The following MGAT4C variants were observed in gnomAD, a reference collection of about 807,000 sequenced individuals.
The protein encoded by MGAT4C is alpha-1,3-mannosyl-glycoprotein 4-beta-N-acetylglucosaminyltransferase C.
MGAT4C carries 19 observed loss-of-function variants against 40.1 expected under a neutral mutation model. That is an observed-to-expected ratio of 0.47 (90% CI 0.33 to 0.70). MGAT4C has a LOEUF of 0.70. Among genes scored for constraint, MGAT4C ranks in the 30% least tolerant of loss-of-function variants. The probability of loss-of-function intolerance (pLI) is 0.02; values close to 1 mark genes in which losing one functional copy is unlikely to be tolerated. For missense variants in MGAT4C, 491 were observed against 563.2 expected (o/e 0.87, Z 1.30); for synonymous variants, 181 against 187.1 (o/e 0.97, Z 0.27).
At chr12:86,419,476 T>C (rs1956781656) in intron 3 of MGAT4C, among the ~76,000 whole-genome samples, 3 of 151,760 alleles carry the variant, frequency 2.0e-5, no homozygotes. Flanking sequence ...ATTATACAAA[T>C]TAACATTACC....
intron 4 of MGAT4C, among the ~76,000 whole-genome samples, chr12:86,313,615 T>G (rs1954130803): frequency 6.6e-6 from 1 of 152,170 alleles, no homozygotes; most frequent in Non-Finnish European, 1.5e-5. Flanking sequence ...TTAATTACTC[T>G]CTCACGAACT....
At chr12:86,541,762 T>C (rs1959168725) in intron 2 of MGAT4C, among the ~76,000 whole-genome samples, 1 of 152,190 alleles carries the variant, frequency 6.6e-6, no homozygotes. Context: ...GTTTCAACCA[T>C]GGATGTCAAC....
chr12:86,294,514 C>T (rs908742633), intron 4 of MGAT4C, among the ~76,000 whole-genome samples: 7 of 152,106 alleles, frequency 4.6e-5, no homozygotes, highest in African/African-American at 1.7e-4. Context: ...CTTGACTGTT[C>T]CGAAAATCAA....
intron 1 of MGAT4C, among the ~76,000 whole-genome samples, chr12:86,062,214 T>G (rs114019896): frequency 6.6e-6 from 1 of 152,158 alleles, no homozygotes; most frequent in Non-Finnish European, 1.5e-5. Context: ...CAGCCACCGC[T>G]GGTGATACCC....
At position 85,972,868 on chromosome 12, in the gene MGAT4C, G is replaced by C. The variant is rs1883693994; in HGVS notation, c.*6421C>G. ...AATACATACATATGTTTAAAAGTAG[G>C]GAAAATTTTATCAATTATTAAAGAT... On this transcript the variant is annotated 3_prime_UTR_variant, in exon 5 of 5. Coordinates refer to ENST00000611864, the MANE Select transcript of MGAT4C (RefSeq NM_001351288.2). 1 of 150,718 alleles carries C rather than the reference G, an allele frequency of 6.6e-6. No individual in the cohort carries two copies. Among genetic ancestry groups the C allele is most frequent in the Non-Finnish European group, 1.5e-5 (1 of 67,074 alleles). The allele number at this position is 150,718 out of a possible 1,614,324, so 9.3% of individuals were successfully genotyped here.
intron 3 of MGAT4C, among the ~76,000 whole-genome samples, chr12:86,366,146 G>A (rs12228782): frequency 0.26 from 39,560 of 152,028 alleles, 6,407 homozygotes; most frequent in South Asian, 0.39. Context: ...TTTTGTGTGC[G>A]TGTGGCTATT....
At chr12:86,483,353 T>A (rs1304617942) in intron 2 of MGAT4C, among the ~76,000 whole-genome samples, 20 of 152,146 alleles carry the variant, frequency 1.3e-4, no homozygotes, top group Admixed American at 1.3e-3. Context: ...AAACAAGAGA[T>A]ATAATTCCTC....
At chr12:85,991,096 AC>A (rs1885868963) in intron 2 of MGAT4C, among the ~76,000 whole-genome samples, 1 of 152,120 alleles carries the variant, frequency 6.6e-6, no homozygotes, top group Non-Finnish European at 1.5e-5. Flanking sequence ...TGTTAGAACC[AC>A]TCAGACAAGA....
intron 1 of MGAT4C, among the ~76,000 whole-genome samples, chr12:86,088,820 TG>T (rs1263526315): frequency 6.6e-6 from 1 of 152,076 alleles, no homozygotes; most frequent in African/African-American, 2.4e-5. Flanking sequence ...TCAACCGTTG[TG>T]GAAAGCAGTG....
intron 1 of MGAT4C, among the ~76,000 whole-genome samples, chr12:86,195,699 T>A (rs184576236): frequency 6.6e-6 from 1 of 152,194 alleles, no homozygotes; most frequent in Non-Finnish European, 1.5e-5. Flanking sequence ...ATCATATATG[T>A]ATCTCTCAGG....
chr12:86,404,978 A>C (rs1416548808), intron 3 of MGAT4C, among the ~76,000 whole-genome samples: 4 of 152,076 alleles, frequency 2.6e-5, no homozygotes, highest in Non-Finnish European at 5.9e-5. Context: ...CAGTAGGTTT[A>C]ATTTTCCTTT....
At chr12:86,783,958 T>A (rs1951889447) in intron 1 of MGAT4C, among the ~76,000 whole-genome samples, 1 of 152,128 alleles carries the variant, frequency 6.6e-6, no homozygotes, top group Non-Finnish European at 1.5e-5. Flanking sequence ...AAACATTCAT[T>A]GAGCTGATTC....
At chr12:86,467,998 C>T (rs1957706010) in intron 2 of MGAT4C, among the ~76,000 whole-genome samples, 1 of 151,978 alleles carries the variant, frequency 6.6e-6, no homozygotes, top group African/African-American at 2.4e-5. Context: ...ATGCTTCTAT[C>T]CTCTACCTCT....
intron 2 of MGAT4C, among the ~76,000 whole-genome samples, chr12:86,703,746 C>T (rs929237449): frequency 6.6e-6 from 1 of 151,134 alleles, no homozygotes; most frequent in African/African-American, 2.5e-5. Flanking sequence ...CCCACATTAT[C>T]TCCTATGTAT....
intron 2 of MGAT4C, among the ~76,000 whole-genome samples, chr12:86,605,030 G>T (rs528340699): frequency 3.3e-5 from 5 of 152,088 alleles, no homozygotes; most frequent in Non-Finnish European, 7.4e-5. Flanking sequence ...GGGATACAGA[G>T]AAATGTTACT....
chr12:86,585,482 T>C (rs769670787), intron 2 of MGAT4C, among the ~76,000 whole-genome samples: 3 of 151,420 alleles, frequency 2.0e-5, no homozygotes, highest in Admixed American at 6.6e-5. Flanking sequence ...TAATTAAAAA[T>C]GAAAAATTTT....
intron 3 of MGAT4C, among the ~76,000 whole-genome samples, chr12:86,424,282 G>A (rs1000756892): frequency 6.6e-6 from 1 of 152,080 alleles, no homozygotes; most frequent in Admixed American, 6.5e-5. Flanking sequence ...GCTGTTAAAA[G>A]GTTTAGCCTT....
At chr12:86,148,823 AAG>A (rs1453399597) in intron 1 of MGAT4C, among the ~76,000 whole-genome samples, 1 of 152,220 alleles carries the variant, frequency 6.6e-6, no homozygotes, top group East Asian at 1.9e-4. Context: ...ATGAAACTCT[AAG>A]AGCCTTGAGC....
chr12:86,735,026 TTG>T (rs2136123920), intron 1 of MGAT4C, among the ~76,000 whole-genome samples: 1 of 152,076 alleles, frequency 6.6e-6, no homozygotes, highest in East Asian at 2.0e-4. Context: ...ACATGATTTT[TTG>T]TGTGTTTTGT....
Sources: allele counts gnomAD v4.1 joint callset (sites outside exome capture counted in the v4.1 genomes callset), GRCh38; gene constraint gnomAD v4.1.1; transcripts MANE v1.5; gene names NCBI Gene and HGNC (gene_info 2026-07-23, HGNC 2026-07-21).